The following SPAG16 variants were observed in gnomAD, a reference collection of about 807,000 sequenced individuals.
The protein encoded by SPAG16 is sperm associated antigen 16.
In SPAG16, 86 loss-of-function variants were observed where a neutral mutation model predicts 80.4. That is an observed-to-expected ratio of 1.07 (90% CI 0.90 to 1.28). SPAG16 has a LOEUF of 1.28. Among genes scored for constraint, SPAG16 ranks in the 50% most tolerant of loss-of-function variants. The pLI is 0.00. For synonymous variants in SPAG16, 294 were observed against 265.9 expected (o/e 1.11, Z -1.03); for missense variants, 870 against 765.3 (o/e 1.14, Z -1.61).
intron 10 of SPAG16, among the ~76,000 whole-genome samples, chr2:213,573,243 G>A (rs1251001960): frequency 1.3e-5 from 2 of 151,878 alleles, no homozygotes; most frequent in African/African-American, 2.4e-5. Flanking sequence ...GTTCCTATTC[G>A]GCCATCTTGG....
At chr2:214,314,254 T>C (rs1239838198) in intron 15 of SPAG16, among the ~76,000 whole-genome samples, 2 of 152,192 alleles carry the variant, frequency 1.3e-5, no homozygotes, top group Non-Finnish European at 2.9e-5. Flanking sequence ...TATTTTTTCA[T>C]AAGTTAGTTC....
intron 10 of SPAG16, among the ~76,000 whole-genome samples, chr2:213,546,682 T>C (rs1039792160): frequency 6.6e-6 from 1 of 151,742 alleles, no homozygotes; most frequent in African/African-American, 2.4e-5. Context: ...TTTTAAAGAG[T>C]TTGTTAAAGC....
intron 12 of SPAG16, among the ~76,000 whole-genome samples, chr2:214,005,607 A>G (rs1434933477): frequency 6.6e-6 from 1 of 152,206 alleles, no homozygotes; most frequent in Non-Finnish European, 1.5e-5. Context: ...ACTCCATGGT[A>G]GATTTTATTT....
At chr2:214,282,548 C>T (rs1235168245) in intron 15 of SPAG16, among the ~76,000 whole-genome samples, 2 of 152,120 alleles carry the variant, frequency 1.3e-5, no homozygotes, top group Non-Finnish European at 2.9e-5. Flanking sequence ...GTGATTCTTA[C>T]TACCTATTCT....
chr2:214,366,281 A>G lies in SPAG16; in HGVS notation c.1721-43859A>G, dbSNP rs539748364. 3.3e-5 allele frequency among the ~76,000 whole-genome samples: 5 copies of G among 152,274 alleles called. 1 individual carries two copies. The highest frequency in any genetic ancestry group is 1.2e-4 in the African/African-American group (5 of 41,556). On this transcript the variant is annotated intron_variant, in intron 15 of 15. Transcript: ENST00000331683. ...GTGAGCCACTGCGTCTGGCCTTGCC[A>G]GGTATTTTTAAAGGACTCTTACACT...
intron 9 of SPAG16, among the ~76,000 whole-genome samples, chr2:213,393,337 CAATT>C (rs1210409544): frequency 6.6e-6 from 1 of 151,064 alleles, no homozygotes; most frequent in African/African-American, 2.4e-5. Flanking sequence ...AAATAATATT[CAATT>C]AATGTTTTAG....
At chr2:214,275,219 C>T (rs1459614081) in intron 15 of SPAG16, among the ~76,000 whole-genome samples, 1 of 152,088 alleles carries the variant, frequency 6.6e-6, no homozygotes, top group Non-Finnish European at 1.5e-5. Context: ...AGCAGTCTAT[C>T]AATTTTGTTG....
chr2:213,497,150 G>A (rs1298500791), intron 10 of SPAG16, among the ~76,000 whole-genome samples: 1 of 151,906 alleles, frequency 6.6e-6, no homozygotes, highest in East Asian at 1.9e-4. Context: ...TATTATCAAA[G>A]TACTAAGGTA....
At chr2:214,115,950 G>A (rs1242523594) in intron 14 of SPAG16, among the ~76,000 whole-genome samples, 1 of 150,978 alleles carries the variant, frequency 6.6e-6, no homozygotes. Flanking sequence ...ACAGACAAAA[G>A]TCTATCAGCA....
At chr2:213,797,583 A>G (rs970754092) in intron 10 of SPAG16, among the ~76,000 whole-genome samples, 1 of 152,222 alleles carries the variant, frequency 6.6e-6, no homozygotes, top group Admixed American at 6.5e-5. Context: ...GTAGTAAGCT[A>G]TACCATCTAG....
chr2:213,682,475 A>T (rs1363685265), intron 10 of SPAG16, among the ~76,000 whole-genome samples: 3 of 152,234 alleles, frequency 2.0e-5, no homozygotes, highest in African/African-American at 7.2e-5. Context: ...ACAGTCAAAG[A>T]CAGGTTTATT....
intron 9 of SPAG16, among the ~76,000 whole-genome samples, chr2:213,479,366 A>C (rs1028154352): frequency 6.6e-6 from 1 of 151,964 alleles, no homozygotes; most frequent in East Asian, 1.9e-4. Context: ...TGCATTTTTA[A>C]TCTAACATTT....
At chr2:214,363,880 G>A (rs200720400) in intron 15 of SPAG16, among the ~76,000 whole-genome samples, 1 of 152,082 alleles carries the variant, frequency 6.6e-6, no homozygotes, top group South Asian at 2.1e-4. Flanking sequence ...TTTGTTCACA[G>A]TTTATGTGGA....
intron 9 of SPAG16, among the ~76,000 whole-genome samples, chr2:213,465,792 G>C (rs1409370258): frequency 2.6e-5 from 4 of 152,218 alleles, no homozygotes; most frequent in African/African-American, 9.6e-5. Context: ...CCTTGCTCAA[G>C]TAGCCCATGG....
chr2:213,563,360 A>G (rs1398906857), intron 10 of SPAG16, among the ~76,000 whole-genome samples: 1 of 152,052 alleles, frequency 6.6e-6, no homozygotes, highest in Non-Finnish European at 1.5e-5. Flanking sequence ...CAGTATGTGT[A>G]TTAGTCAGCT....
Position 213,340,226 on chromosome 2 carries a change from G to A in SPAG16, c.600G>A (p.Lys200=). Residue 200 remains lysine, a synonymous_variant, in exon 6 of 16, where the codon AAG becomes AAA. Coordinates refer to ENST00000331683, the MANE Select transcript of SPAG16 (RefSeq NM_024532.5). ...GTGATTTTCATCGAATGCATCATAAGCGAATAGTCCAGGAAAAAAACAAAT... is the reference window on the plus strand; with the variant it reads ...GTGATTTTCATCGAATGCATCATAAACGAATAGTCCAGGAAAAAAACAAAT... The part of the protein sequence containing the change: ...KERDFHRMHH[K]RIVQEKNKLI... 6.2e-7 allele frequency: 1 copy of A among 1,612,634 alleles called. No individual in the cohort carries two copies. The highest frequency in any genetic ancestry group is 1.1e-5 in the South Asian group (1 of 90,894).
At chr2:213,437,702 AC>A (rs143275706) in intron 9 of SPAG16, among the ~76,000 whole-genome samples, 2,214 of 152,294 alleles carry the variant, frequency 0.015, 24 homozygotes, top group South Asian at 0.038. Context: ...TTAAAAACAT[AC>A]TCAGAGAAAC....
At chr2:213,405,764 T>G in intron 9 of SPAG16, among the ~76,000 whole-genome samples, 1 of 152,228 alleles carries the variant, frequency 6.6e-6, no homozygotes, top group East Asian at 1.9e-4. Flanking sequence ...TCACTTAATG[T>G]AATGTCCTCC....
At chr2:214,395,479 C>A (rs1431886103) in intron 15 of SPAG16, among the ~76,000 whole-genome samples, 1 of 152,088 alleles carries the variant, frequency 6.6e-6, no homozygotes, top group African/African-American at 2.4e-5. Context: ...CACCATCTGT[C>A]TATCTTCTTT....
Sources: allele counts gnomAD v4.1 joint callset (sites outside exome capture counted in the v4.1 genomes callset), GRCh38; gene constraint gnomAD v4.1.1; transcripts MANE v1.5; gene names NCBI Gene and HGNC (gene_info 2026-07-23, HGNC 2026-07-21).